Variants in PCDHGB2 observed in about 807,000 individuals in gnomAD.
The protein encoded by PCDHGB2 is protocadherin gamma subfamily B, 2.
PCDHGB2 carries 55 observed loss-of-function variants against 59.3 expected under a neutral mutation model. The ratio of observed to expected loss-of-function variants is 0.93; its 90% CI spans 0.75 to 1.16. PCDHGB2 has a LOEUF of 1.16. Ranked by LOEUF, PCDHGB2 falls within the 50% of genes most tolerant of loss-of-function variation. The pLI is 0.00. For synonymous variants in PCDHGB2, 516 were observed against 512.0 expected, an observed-to-expected ratio of 1.01 and a Z score of -0.11; for missense variants, 1,228 against 1,198.5, an observed-to-expected ratio of 1.02 and a Z score of -0.36.
chr5:141,420,980 C>T (rs1463868271), intron 1 of PCDHGB2: 1 of 484,260 alleles, frequency 2.1e-6, no homozygotes, highest in Non-Finnish European at 3.6e-6. Flanking sequence ...AGAATGGGCT[C>T]TAGGCGCCGC....
chr5:141,481,261 C>T lies in PCDHGB2; in HGVS notation c.2422-13546C>T, dbSNP rs2099534823. ...TACATAGCATAGCTCTAAAAGATCA[C>T]TGTAGGAAGACATAAAATGGTATTT... On this transcript the variant is annotated intron_variant, in intron 1 of 3. Coordinates refer to ENST00000522605, the MANE Select transcript of PCDHGB2 (RefSeq NM_018923.3). Among the ~76,000 whole-genome samples, 3 of 152,252 alleles carry T rather than the reference C, an allele frequency of 2.0e-5. No individual in the cohort carries two copies. The East Asian group carries it at 5.8e-4, about 29-fold the overall frequency.
intron 1 of PCDHGB2, chr5:141,377,304 A>G (rs1051630740): frequency 2.6e-5 from 4 of 152,154 alleles, no homozygotes; most frequent in African/African-American, 9.7e-5. Context: ...GGTCAGTGTT[A>G]AAGATCAAGA....
intron 1 of PCDHGB2, among the ~76,000 whole-genome samples, chr5:141,460,270 C>T (rs1223096441): frequency 6.6e-6 from 1 of 151,828 alleles, no homozygotes; most frequent in Non-Finnish European, 1.5e-5. Context: ...TTTATTTTTT[C>T]TTTTATAGTT....
At chr5:141,374,343 C>T in intron 1 of PCDHGB2, 2 of 1,613,990 alleles carry the variant, frequency 1.2e-6, no homozygotes, top group Non-Finnish European at 1.7e-6. Context: ...TTGGTCACCG[C>T]GGGTAGGATA....
At chr5:141,415,394 C>A (rs893251079) in intron 1 of PCDHGB2, 29 of 1,614,110 alleles carry the variant, frequency 1.8e-5, no homozygotes, top group Non-Finnish European at 2.3e-5. Context: ...ACAGGTGTGT[C>A]CGGCTCGCAC....
rs201825683 is a variant in PCDHGB2 at position 141,404,916 on chromosome 5, C to T, written c.2421+42360C>T. The T allele has an allele frequency of 1.5e-4, 243 of 1,613,780 alleles. No homozygotes were observed. The highest frequency in any genetic ancestry group is 1.1e-4 in the Non-Finnish European group (126 of 1,179,862). ...CAGGACCATGGCCAGCCCCCTCTCTCGGCCACTGTCACGCTCACAGTAGCC... is the reference window on the plus strand; with the variant it reads ...CAGGACCATGGCCAGCCCCCTCTCTTGGCCACTGTCACGCTCACAGTAGCC... On this transcript the variant is annotated intron_variant, in intron 1 of 3. Transcript: ENST00000522605.
rs192747939 is a variant in PCDHGB2 at position 141,487,483 on chromosome 5, T to A, written c.2422-7324T>A. ...TTGTTGATGTGGGAGGCCACTCTCA[T>A]GGCTGTACACCCTTGGCTTCTGCAC... On this transcript the variant is annotated intron_variant, in intron 1 of 3. Transcript: ENST00000522605. This position sits in a 1 kb window ranked among gnomAD's most constrained non-coding sequence, Gnocchi z 5.0. 1 of 1,614,224 alleles carries A rather than the reference T, an allele frequency of 6.2e-7. No individual in the cohort carries two copies. The highest frequency in any genetic ancestry group is 1.1e-5 in the South Asian group (1 of 91,084).
chr5:141,415,119 G>A, intron 1 of PCDHGB2: 1 of 1,613,666 alleles, frequency 6.2e-7, no homozygotes, highest in African/African-American at 1.3e-5. Flanking sequence ...GCCTCGTAGT[G>A]GCCGTCCAGG....
At chr5:141,408,882 ACATAGAAATTTCTGTCAAG>A (rs745313321) in intron 1 of PCDHGB2, 50 of 1,613,286 alleles carry the variant, frequency 3.1e-5, no homozygotes, top group Non-Finnish European at 4.1e-5. Context: ...GCCACCGCTC[ACATAGAAATTTCTGTCAAG>A]GATACCAATG....
intron 1 of PCDHGB2, among the ~76,000 whole-genome samples, chr5:141,372,994 C>T (rs1769242152): frequency 6.6e-6 from 1 of 152,146 alleles, no homozygotes; most frequent in South Asian, 2.1e-4. Flanking sequence ...TGCAGTTGTT[C>T]TTTCATAGAA....
chr5:141,403,598 G>A (rs2094431142), intron 1 of PCDHGB2: 1 of 1,613,702 alleles, frequency 6.2e-7, no homozygotes, highest in Non-Finnish European at 8.5e-7. Flanking sequence ...CACGGCCTCG[G>A]ATGGCGGCGA....
intron 1 of PCDHGB2, chr5:141,414,898 G>T: frequency 6.2e-7 from 1 of 1,614,190 alleles, no homozygotes; most frequent in East Asian, 2.2e-5. Context: ...CCCCACAGAC[G>T]GTTCCACAGG....
rs2099410057 is a variant in PCDHGB2, at chr5:141,477,370, G to C, written c.2422-17437G>C. The C allele has an allele frequency of 6.2e-7, 1 of 1,614,054 alleles. No homozygotes were observed. On this transcript the variant is annotated intron_variant, in intron 1 of 3. Coordinates refer to ENST00000522605, the MANE Select transcript of PCDHGB2 (RefSeq NM_018923.3). This position sits in a 1 kb window ranked among gnomAD's most constrained non-coding sequence, Gnocchi z 4.9. The stretch of plus-strand genomic sequence containing the variant: ...AAACCAGTGCAGACCTGGATCGGGA[G>C]ACTGTGCCAGAATACAACCTCAGCA...
chr5:141,388,659 A>C (rs777197911), intron 1 of PCDHGB2: 1 of 1,613,882 alleles, frequency 6.2e-7, no homozygotes, highest in East Asian at 2.2e-5. Flanking sequence ...GTACCCGGGG[A>C]CCACGGTGCT....
chr5:141,401,290 C>G (rs1460193254), intron 1 of PCDHGB2, among the ~76,000 whole-genome samples: 1 of 151,710 alleles, frequency 6.6e-6, no homozygotes, highest in South Asian at 2.1e-4. Context: ...TGCGGTGAGC[C>G]GAGATCACTC....
chr5:141,465,923 C>A (rs908350232), intron 1 of PCDHGB2, among the ~76,000 whole-genome samples: 2 of 152,062 alleles, frequency 1.3e-5, no homozygotes, highest in African/African-American at 4.8e-5. Flanking sequence ...GATTTCGAGT[C>A]CATCCTGGCT....
intron 1 of PCDHGB2, among the ~76,000 whole-genome samples, chr5:141,474,114 C>T (rs940809934): frequency 2.6e-5 from 4 of 152,224 alleles, no homozygotes; most frequent in South Asian, 2.1e-4. Context: ...ACAACAACAA[C>T]GAAAATCTCA....
chr5:141,439,124 C>A (rs550781116), intron 1 of PCDHGB2, among the ~76,000 whole-genome samples: 332 of 150,120 alleles, frequency 2.2e-3, no homozygotes, highest in Non-Finnish European at 3.9e-3. Context: ...ACCCGGGAGA[C>A]AGAGGTTGCA....
chr5:141,460,091 A>G (rs2098981847), intron 1 of PCDHGB2, among the ~76,000 whole-genome samples: 1 of 152,002 alleles, frequency 6.6e-6, no homozygotes, highest in Non-Finnish European at 1.5e-5. Flanking sequence ...AATAATAATT[A>G]TACATGTAAT....
Sources: gnomAD v4.1 joint callset for allele counts (sites outside exome capture counted in the v4.1 genomes callset) on GRCh38, gnomAD v4.1.1 for gene constraint, Gnocchi (gnomAD v3.1) non-coding constraint, MANE v1.5 for transcripts, NCBI Gene and HGNC (gene_info 2026-07-23, HGNC 2026-07-21) for gene names.